WWP1: variants seen among roughly 807,000 people sequenced by gnomAD.
The protein encoded by WWP1 is WW domain containing E3 ubiquitin protein ligase 1, also known as NEDD4-like E3 ubiquitin-protein ligase WWP1.
Under a neutral mutation model 130.6 loss-of-function variants are expected in WWP1, and 49 were observed. That is an observed-to-expected ratio of 0.38 (90% CI 0.30 to 0.48). The LOEUF (loss-of-function observed/expected upper bound fraction) is 0.48, where lower values mean the gene tolerates loss of function less well. WWP1 is among the 20% of genes least tolerant of loss of function. The pLI, the probability that WWP1 is intolerant of heterozygous loss-of-function variation, is 0.99. For missense variants in WWP1, 809 were observed against 1,100.6 expected (o/e 0.74, Z 3.75); for synonymous variants, 332 against 367.8 (o/e 0.90, Z 1.11).
At chr8:86,423,838 G>A (rs1394626237) in intron 9 of WWP1, among the ~76,000 whole-genome samples, 5 of 144,854 alleles carry the variant, frequency 3.5e-5, no homozygotes, top group African/African-American at 5.1e-5. Context: ...CGGACGGGGC[G>A]GCGGCTGGGC....
chr8:86,443,951 T>G (rs1810728157), intron 18 of WWP1, among the ~76,000 whole-genome samples: 1 of 152,178 alleles, frequency 6.6e-6, no homozygotes. Context: ...GAAATTCACA[T>G]AAGAGTTGAG....
In WWP1 at chr8:86,425,450, TA is replaced by T. The variant is rs1392364583; in HGVS notation, c.1157+134del. 1.9e-5 allele frequency: 11 copies of T among 567,068 alleles called. No individual in the cohort carries two copies. In the Admixed American group the frequency reaches 4.2e-4, roughly 22 times the overall value. The allele number at this position is 567,068 out of a possible 1,614,324, so 35.1% of individuals were successfully genotyped here. On this transcript the variant is annotated intron_variant, in intron 10 of 24. Coordinates refer to ENST00000517970, the MANE Select transcript of WWP1 (RefSeq NM_007013.4). ...ATTTCTTTACATTTCCTTATATAAATAATGAATGTTCAGTCAATGAGATTAG... is the reference window on the plus strand; with the variant it reads ...ATTTCTTTACATTTCCTTATATAAATATGAATGTTCAGTCAATGAGATTAG...
intron 1 of WWP1, among the ~76,000 whole-genome samples, chr8:86,346,118 A>G (rs1003353633): frequency 1.3e-5 from 2 of 152,208 alleles, no homozygotes; most frequent in Non-Finnish European, 2.9e-5. Flanking sequence ...CTAGACTTTC[A>G]TCAGAGTATC....
intron 1 of WWP1, among the ~76,000 whole-genome samples, chr8:86,365,315 G>T (rs1465273193): frequency 6.6e-6 from 1 of 152,092 alleles, no homozygotes; most frequent in Non-Finnish European, 1.5e-5. Context: ...CTTTGAAATT[G>T]ACTAAAAATA....
intron 9 of WWP1, chr8:86,417,332 A>C (rs923276405): frequency 3.3e-5 from 5 of 152,124 alleles, no homozygotes; most frequent in Non-Finnish European, 7.3e-5. Context: ...AAAGCCTAAG[A>C]TATTTACCGT....
intron 5 of WWP1, chr8:86,386,791 C>G (rs2130399569): frequency 6.6e-6 from 1 of 152,222 alleles, no homozygotes; most frequent in South Asian, 2.1e-4. Flanking sequence ...AACAAAATAC[C>G]TGAGACTAGG....
intron 1 of WWP1, among the ~76,000 whole-genome samples, chr8:86,352,557 G>T (rs1822997394): frequency 6.6e-6 from 1 of 151,750 alleles, no homozygotes; most frequent in Non-Finnish European, 1.5e-5. Flanking sequence ...AGAGATGGGG[G>T]TCTTACCTTA....
intron 1 of WWP1, among the ~76,000 whole-genome samples, chr8:86,365,691 A>C (rs1823928300): frequency 6.6e-6 from 1 of 152,160 alleles, no homozygotes; most frequent in Non-Finnish European, 1.5e-5. Context: ...GGCGGGTCAC[A>C]GTGGTTGATG....
intron 1 of WWP1, among the ~76,000 whole-genome samples, chr8:86,346,350 G>A (rs1169251739): frequency 6.6e-6 from 1 of 152,150 alleles, no homozygotes. Flanking sequence ...GTGAACCCGG[G>A]AGGCGGAGCT....
chr8:86,413,555 G>C (rs888841297), intron 9 of WWP1, among the ~76,000 whole-genome samples: 5 of 152,260 alleles, frequency 3.3e-5, no homozygotes, highest in African/African-American at 1.2e-4. Context: ...TGACACGTCA[G>C]TGGATTCTGA....
intron 8 of WWP1, among the ~76,000 whole-genome samples, chr8:86,402,771 C>T (rs748709808): frequency 3.9e-5 from 6 of 152,022 alleles, no homozygotes; most frequent in Non-Finnish European, 8.8e-5. Flanking sequence ...TTAAGCTTTG[C>T]CACAAAAAAT....
chr8:86,389,356 C>T (rs1005447159), intron 5 of WWP1, among the ~76,000 whole-genome samples: 4 of 152,106 alleles, frequency 2.6e-5, no homozygotes, highest in Non-Finnish European at 5.9e-5. Context: ...AGTGTGATGA[C>T]TCTTAACGAG....
chr8:86,390,061 C>T (rs977734868), intron 5 of WWP1, among the ~76,000 whole-genome samples: 4 of 148,304 alleles, frequency 2.7e-5, no homozygotes, highest in South Asian at 4.3e-4. Context: ...CAGACGGGGT[C>T]GCAGCTGGGC....
At chr8:86,403,801 T>C (rs1461073434) in intron 8 of WWP1, among the ~76,000 whole-genome samples, 1 of 151,286 alleles carries the variant, frequency 6.6e-6, no homozygotes, top group East Asian at 1.9e-4. Flanking sequence ...GTAGGTAGAA[T>C]TTTTTAGTCT....
intron 9 of WWP1, chr8:86,417,235 C>T (rs888319638): frequency 5.3e-5 from 8 of 152,098 alleles, no homozygotes; most frequent in Non-Finnish European, 1.0e-4. Context: ...CGGGATGCCC[C>T]AGCACAAGCA....
At chr8:86,454,800 G>A (rs1811353288) in intron 21 of WWP1, among the ~76,000 whole-genome samples, 1 of 152,034 alleles carries the variant, frequency 6.6e-6, no homozygotes, top group Non-Finnish European at 1.5e-5. Flanking sequence ...TGCCCTGTAT[G>A]TGGGAAGGCC....
rs1033260134 is a variant in WWP1 at position 86,466,772 on chromosome 8, T to C, written c.2670-22T>C. Reference sequence around the variant, plus strand: ...TTTTCATTTTATTGAAAACATCTGATTTTGTTTTTGTTTCTGTTCAGTTTT... The same window carrying C: ...TTTTCATTTTATTGAAAACATCTGACTTTGTTTTTGTTTCTGTTCAGTTTT... On this transcript the variant is annotated intron_variant, in intron 24 of 24. Coordinates refer to ENST00000517970, the MANE Select transcript of WWP1 (RefSeq NM_007013.4). 87 of 1,464,800 alleles carry C rather than the reference T, an allele frequency of 5.9e-5. 3 individuals are homozygous for C. Among genetic ancestry groups the C allele is most frequent in the Non-Finnish European group, 4.7e-5 (51 of 1,078,238 alleles). 90.7% of individuals were successfully genotyped at this position (1,464,800 alleles called of 1,614,324 possible).
intron 5 of WWP1, among the ~76,000 whole-genome samples, chr8:86,390,916 C>T (rs753017132): frequency 6.6e-6 from 1 of 151,946 alleles, no homozygotes; most frequent in Non-Finnish European, 1.5e-5. Context: ...ATTGTTTTCT[C>T]GTATATTTCA....
intron 17 of WWP1, among the ~76,000 whole-genome samples, chr8:86,440,337 C>A (rs1460176850): frequency 2.0e-5 from 3 of 152,082 alleles, no homozygotes; most frequent in African/African-American, 7.2e-5. Flanking sequence ...CTAGATTCAT[C>A]AAATGGTTTA....
Sources: gnomAD v4.1 joint callset for allele counts (sites outside exome capture counted in the v4.1 genomes callset) on GRCh38, gnomAD v4.1.1 for gene constraint, MANE v1.5 for transcripts, NCBI Gene and HGNC (gene_info 2026-07-23, HGNC 2026-07-21) for gene names.